The following TECTA variants were observed in gnomAD, a reference collection of about 807,000 sequenced individuals.
TECTA encodes the protein alpha-tectorin.
A neutral mutation model predicts 216.8 loss-of-function variants in TECTA; 128 were observed. That is an observed-to-expected ratio of 0.59 (90% confidence interval 0.51 to 0.68). TECTA has a LOEUF of 0.68. TECTA is among the 30% of genes least tolerant of loss of function. The pLI, the probability that TECTA is intolerant of heterozygous loss-of-function variation, is 0.00. For missense variants in TECTA, 2,551 were observed against 2,786.2 expected, an observed-to-expected ratio of 0.92 and a Z score of 1.90; for synonymous variants, 1,089 against 1,117.1, an observed-to-expected ratio of 0.97 and a Z score of 0.50.
chr11:121,120,166 T>C (rs926920125), intron 7 of TECTA, among the ~76,000 whole-genome samples: 2 of 152,232 alleles, frequency 1.3e-5, no homozygotes, highest in Non-Finnish European at 2.9e-5. Flanking sequence ...TCAGATTTTT[T>C]TTTTAGAAGG....
At chr11:121,180,513 T>C (rs958922836) in intron 20 of TECTA, among the ~76,000 whole-genome samples, 1 of 152,210 alleles carries the variant, frequency 6.6e-6, no homozygotes, top group Middle Eastern at 3.2e-3. Context: ...CTATTATATA[T>C]AACTTGATGC....
At chr11:121,190,601 C>T in intron 23 of TECTA, 105 bp from the exon 24 acceptor site, 4 of 885,960 alleles carry the variant, frequency 4.5e-6, no homozygotes, top group East Asian at 5.1e-5. Flanking sequence ...GGGTTCTTGG[C>T]AATGAAGTTT....
chr11:121,138,543 CTG>C (rs1195305729), intron 11 of TECTA, among the ~76,000 whole-genome samples: 3 of 152,204 alleles, frequency 2.0e-5, no homozygotes, highest in African/African-American at 7.2e-5. Flanking sequence ...CCCAAGGGAT[CTG>C]TGAGTTCATG....
chr11:121,103,568 A>C (rs1203909175), intron 2 of TECTA, among the ~76,000 whole-genome samples: 1 of 151,808 alleles, frequency 6.6e-6, no homozygotes, highest in Non-Finnish European at 1.5e-5. Flanking sequence ...AAGAAAGTAC[A>C]TTTTATTTGG....
intron 20 of TECTA, among the ~76,000 whole-genome samples, chr11:121,181,002 C>T (rs992820915): frequency 6.6e-6 from 1 of 151,876 alleles, no homozygotes; most frequent in African/African-American, 2.4e-5. Context: ...CCTGTCTCTA[C>T]TAAAAATACA....
At chr11:121,107,241 G>A (rs553802500) in intron 3 of TECTA, among the ~76,000 whole-genome samples, 2 of 152,334 alleles carry the variant, frequency 1.3e-5, no homozygotes, top group African/African-American at 4.8e-5. Flanking sequence ...TGGAAGCCCA[G>A]TTAAGCTAGT....
chr11:121,168,548 G>T (rs1947078844), intron 19 of TECTA, 129 bp from the exon 20 acceptor site: 1 of 1,377,558 alleles, frequency 7.3e-7, no homozygotes, highest in East Asian at 2.3e-5. Flanking sequence ...TACTGTATTG[G>T]ACAGCACAGC....
rs763618035 is a variant in TECTA, at chr11:121,190,062, A to AAACAAAC, written c.6367+187_6367+188insACAACAA. 8.3e-6 allele frequency: 5 copies of AAACAAAC among 605,568 alleles called. No individual in the cohort carries two copies. The African/African-American group carries it at 9.3e-5, about 11-fold the overall frequency. The allele number at this position is 605,568 out of a possible 1,614,324, so 37.5% of individuals were successfully genotyped here. On this transcript the variant is annotated intron_variant, in intron 23 of 23. Coordinates refer to ENST00000392793, the MANE Select transcript of TECTA (RefSeq NM_005422.4). The stretch of plus-strand genomic sequence containing the variant: ...TTCTAGGGCCATTAAACAAACAAAC[A>AAACAAAC]AACAACAACAACAAAAAAACCTTGC...
chr11:121,108,744 C>T (rs1255291791), intron 3 of TECTA, among the ~76,000 whole-genome samples: 3 of 147,794 alleles, frequency 2.0e-5, no homozygotes. Context: ...CACTTACACA[C>T]CTCACCCCAG....
chr11:121,141,611 C>T (rs763002349), intron 11 of TECTA, among the ~76,000 whole-genome samples: 7 of 152,240 alleles, frequency 4.6e-5, no homozygotes, highest in Non-Finnish European at 1.0e-4. Flanking sequence ...CCTGCCCCCA[C>T]CCTCAGGCTT....
chr11:121,139,718 T>C (rs513182), intron 11 of TECTA, among the ~76,000 whole-genome samples: 50,412 of 151,698 alleles, frequency 0.33, 12,411 homozygotes, highest in African/African-American at 0.7. Flanking sequence ...AATGAAATGA[T>C]ACAAATAACC....
intron 20 of TECTA, among the ~76,000 whole-genome samples, chr11:121,170,868 T>C (rs1947104576): frequency 6.6e-6 from 1 of 152,156 alleles, no homozygotes; most frequent in Non-Finnish European, 1.5e-5. Context: ...TATTTTCTTT[T>C]ATTCAACAGG....
At chr11:121,131,070 C>T (rs1457566785) in intron 10 of TECTA, among the ~76,000 whole-genome samples, 2 of 151,966 alleles carry the variant, frequency 1.3e-5, no homozygotes, top group Non-Finnish European at 2.9e-5. Flanking sequence ...AAAAATTAGC[C>T]GGGCGTGGTG....
intron 7 of TECTA, among the ~76,000 whole-genome samples, chr11:121,124,709 A>G (rs1485115742): frequency 2.0e-5 from 3 of 152,144 alleles, no homozygotes; most frequent in Non-Finnish European, 4.4e-5. Flanking sequence ...CTTGGTACCT[A>G]GCAGGTGTTT....
chr11:121,167,679 T>C (rs1270368534), intron 18 of TECTA, among the ~76,000 whole-genome samples: 1 of 152,246 alleles, frequency 6.6e-6, no homozygotes, highest in Admixed American at 6.5e-5. Context: ...GTGATGGATT[T>C]GGTGGAGAAG....
chr11:121,127,779 G>A lies in TECTA; in HGVS notation c.1802G>A (p.Ser601Asn). ...TCCACAGTGCAGTGCCCGAGCTTCA[G>A]CCACTACTCCGTGTGCACAAGCAGC... is the stretch of plus-strand genomic sequence containing the variant. ...CVSTVQCPSF[S>N]HYSVCTSSCP... The change falls in exon 9 of 24, where the codon AGC becomes AAC. Residue 601 changes from serine (S) to asparagine (N), a missense_variant. Coordinates refer to ENST00000392793, the MANE Select transcript of TECTA (RefSeq NM_005422.4). This position sits in a 1 kb window ranked among gnomAD's most constrained non-coding sequence, Gnocchi z 5.0. 6.2e-7 allele frequency: 1 copy of A among 1,614,124 alleles called. No individual in the cohort carries two copies. Among genetic ancestry groups the A allele is most frequent in the Non-Finnish European group, 8.5e-7 (1 of 1,180,010 alleles).
At chr11:121,156,584 T>C (rs1415506951) in intron 13 of TECTA, among the ~76,000 whole-genome samples, 1 of 152,076 alleles carries the variant, frequency 6.6e-6, no homozygotes, top group East Asian at 1.9e-4. Flanking sequence ...CCTCCGGTGA[T>C]CCACCCACCT....
chr11:121,183,941 C>T (rs1208245464), intron 20 of TECTA, among the ~76,000 whole-genome samples: 2 of 152,124 alleles, frequency 1.3e-5, no homozygotes, highest in Non-Finnish European at 2.9e-5. Flanking sequence ...GCACACACCA[C>T]CATGCCCAGC....
chr11:121,175,644 G>A (rs1419317719), intron 20 of TECTA, among the ~76,000 whole-genome samples: 1 of 152,170 alleles, frequency 6.6e-6, no homozygotes, highest in South Asian at 2.1e-4. Flanking sequence ...GGTGTGGTGT[G>A]GTGCTGAAAA....
Sources: allele counts gnomAD v4.1 joint callset (sites outside exome capture counted in the v4.1 genomes callset), GRCh38; gene constraint gnomAD v4.1.1; non-coding constraint Gnocchi (gnomAD v3.1); transcripts MANE v1.5; gene names NCBI Gene and HGNC (gene_info 2026-07-23, HGNC 2026-07-21).